The following WNT2 variants were observed in gnomAD, a reference collection of about 807,000 sequenced individuals.
WNT2 encodes protein Wnt-2.
WNT2 carries 12 observed loss-of-function variants against 36.9 expected under a neutral mutation model. That is an observed-to-expected ratio of 0.33 (90% confidence interval 0.21 to 0.53). The LOEUF (loss-of-function observed/expected upper bound fraction) is 0.53. Ranked by LOEUF, WNT2 falls within the 20% of genes least tolerant of loss-of-function variation. The pLI is 0.95. For missense variants in WNT2, 379 were observed against 473.1 expected (o/e 0.80, Z 1.84); for synonymous variants, 163 against 174.6 (o/e 0.93, Z 0.52).
At chr7:117,321,788 A>C (rs1795333842) in intron 1 of WNT2, among the ~76,000 whole-genome samples, 1 of 152,196 alleles carries the variant, frequency 6.6e-6, no homozygotes, top group South Asian at 2.1e-4. Flanking sequence ...TTATTGAAAA[A>C]TGGTCAGTCT....
At chr7:117,310,480 G>T (rs929652599) in intron 3 of WNT2, among the ~76,000 whole-genome samples, 14 of 150,488 alleles carry the variant, frequency 9.3e-5, no homozygotes, top group African/African-American at 3.4e-4. Context: ...CGGCTACTGA[G>T]ACTGAGGTGG....
At chr7:117,292,523 C>T (rs1466123229) in intron 4 of WNT2, among the ~76,000 whole-genome samples, 3 of 152,158 alleles carry the variant, frequency 2.0e-5, no homozygotes, top group Non-Finnish European at 2.9e-5. Context: ...AGGAAATCAA[C>T]AAATGTTCTC....
At chr7:117,279,438 G>A (rs1023396269) in intron 4 of WNT2, among the ~76,000 whole-genome samples, 71 of 152,062 alleles carry the variant, frequency 4.7e-4, no homozygotes, top group African/African-American at 1.7e-3. Flanking sequence ...ACTTGTGCTG[G>A]GCCAATCAGG....
intron 4 of WNT2, among the ~76,000 whole-genome samples, chr7:117,292,513 A>G (rs971545892): frequency 3.9e-4 from 60 of 152,204 alleles, no homozygotes; most frequent in Admixed American, 3.3e-3. Context: ...GACTCGCAGC[A>G]GGAAATCAAC....
rs1362105360 is a variant in WNT2 at position 117,297,801 on chromosome 7, G to A, written c.664C>T (p.Leu222=). 3 of 1,614,068 alleles carry A rather than the reference G, an allele frequency of 1.9e-6. No homozygotes were observed. Among genetic ancestry groups the A allele is most frequent in the Non-Finnish European group, 2.5e-6 (3 of 1,180,038 alleles). ...GTTTTCCTGAAGTCGGCCATGGCCA[G>A]CCAGCATGTCCTGAGAGTACATGAG... ...SGSCTLRTCW[L]AMADFRKTGD... Residue 222 remains leucine, a synonymous_variant, in exon 4 of 5, where the codon CTG becomes TTG. Transcript: ENST00000265441.
chr7:117,279,923 C>T (rs569670680), intron 4 of WNT2, among the ~76,000 whole-genome samples: 1 of 152,258 alleles, frequency 6.6e-6, no homozygotes, highest in South Asian at 2.1e-4. Flanking sequence ...ATATCTCTGA[C>T]GATGCCTCGT....
At chr7:117,285,553 A>T (rs1794563862) in intron 4 of WNT2, among the ~76,000 whole-genome samples, 1 of 152,212 alleles carries the variant, frequency 6.6e-6, no homozygotes, top group Non-Finnish European at 1.5e-5. Flanking sequence ...TCTTTATAGG[A>T]CAAATATTTG....
intron 4 of WNT2, among the ~76,000 whole-genome samples, chr7:117,295,706 G>C (rs1794776748): frequency 6.6e-6 from 1 of 152,208 alleles, no homozygotes; most frequent in African/African-American, 2.4e-5. Context: ...CTTGGAGGCA[G>C]GCAGGAGCAA....
chr7:117,311,554 T>C (rs1337316513), intron 3 of WNT2, among the ~76,000 whole-genome samples: 3 of 152,202 alleles, frequency 2.0e-5, no homozygotes, highest in Non-Finnish European at 4.4e-5. Context: ...AAATATCAAA[T>C]TATAAAACAT....
At chr7:117,320,484 G>A (rs1795301784) in intron 2 of WNT2, 83 bp downstream of exon 2, 1 of 1,335,820 alleles carries the variant, frequency 7.5e-7, no homozygotes, top group Non-Finnish European at 1.1e-6. Context: ...TGCAATAGAA[G>A]ATAAGCAGGG....
chr7:117,310,806 T>A (rs1795107747), intron 3 of WNT2, among the ~76,000 whole-genome samples: 1 of 152,124 alleles, frequency 6.6e-6, no homozygotes. Flanking sequence ...AAATCTTTTA[T>A]CTCCAGCTCA....
intron 3 of WNT2, among the ~76,000 whole-genome samples, chr7:117,310,470 C>T (rs917809979): frequency 2.0e-5 from 3 of 151,060 alleles, no homozygotes; most frequent in Non-Finnish European, 2.9e-5. Flanking sequence ...CCTGTAGTCC[C>T]GGCTACTGAG....
intron 4 of WNT2, 50 bp downstream of exon 4, chr7:117,297,562 A>G (rs552539562): frequency 4.5e-6 from 7 of 1,568,906 alleles, no homozygotes; most frequent in Admixed American, 3.5e-5. Context: ...ATTGTGGAGT[A>G]TCAATTGTTG....
chr7:117,283,249 C>T (rs1388635163), intron 4 of WNT2, among the ~76,000 whole-genome samples: 1 of 152,126 alleles, frequency 6.6e-6, no homozygotes, highest in Non-Finnish European at 1.5e-5. Context: ...GAATGAGACC[C>T]CCAGTGGGTG....
At chr7:117,301,446 T>C (rs1414763762) in intron 3 of WNT2, among the ~76,000 whole-genome samples, 44 of 152,198 alleles carry the variant, frequency 2.9e-4, no homozygotes, top group Non-Finnish European at 7.3e-5. Context: ...TGAGGATTCC[T>C]AGTTTAGAGC....
At chr7:117,315,018 G>A in intron 3 of WNT2, 53 bp downstream of exon 3, 1 of 1,590,774 alleles carries the variant, frequency 6.3e-7, no homozygotes, top group South Asian at 1.2e-5. Context: ...CTCTGCCTAA[G>A]TGGTTTATAA....
At chr7:117,305,977 T>A (rs1318942811) in intron 3 of WNT2, among the ~76,000 whole-genome samples, 1 of 152,180 alleles carries the variant, frequency 6.6e-6, no homozygotes, top group Non-Finnish European at 1.5e-5. Flanking sequence ...TTATTCCCAA[T>A]TTTCAGGCCT....
intron 2 of WNT2, 119 bp downstream of exon 2, chr7:117,320,437 ATGACGCCCAAC>A: frequency 1.1e-6 from 1 of 895,682 alleles, no homozygotes; most frequent in Non-Finnish European, 1.7e-6. Context: ...AACAGGGACA[ATGACGCCCAAC>A]TGAACAAACT....
rs753385406 is a variant in WNT2 at position 117,320,636 on chromosome 7, G to A, written c.241C>T (p.Arg81Cys). 3.1e-6 allele frequency: 5 copies of A among 1,613,980 alleles called. No individual in the cohort carries two copies. The highest frequency in any genetic ancestry group is 1.1e-5 in the South Asian group (1 of 90,968). The change falls in exon 2 of 5, where the codon CGC (arginine) becomes TGC (cysteine). Residue 81 changes from arginine (R) to cysteine (C), a missense_variant. Arg to Cys is a radical substitution (Grantham distance 180). Coordinates refer to ENST00000265441, the MANE Select transcript of WNT2 (RefSeq NM_003391.3). ...GTGTTGCAATTCCAGCGGTGCTGGC[G>A]GAACTGGTGCTGGCATTCTGCTGTC... ...EWTAECQHQF[R>C]QHRWNCNTLD... is the part of the protein sequence containing the mutation.
Sources: allele counts gnomAD v4.1 joint callset (sites outside exome capture counted in the v4.1 genomes callset), GRCh38; gene constraint gnomAD v4.1.1; transcripts MANE v1.5; gene names NCBI Gene and HGNC (gene_info 2026-07-23, HGNC 2026-07-21).